Variants in DAAM2 observed in about 807,000 individuals in gnomAD.
The protein encoded by DAAM2 is disheveled-associated activator of morphogenesis 2.
In DAAM2, 39 loss-of-function variants were observed where a neutral mutation model predicts 120.7. The ratio of observed to expected loss-of-function variants is 0.32; its 90% confidence interval spans 0.25 to 0.42. The LOEUF is 0.42. Among genes scored for constraint, DAAM2 ranks in the 10% least tolerant of loss-of-function variants. The pLI is 1.00. For missense variants in DAAM2, 1,283 were observed against 1,401.7 expected (o/e 0.92, Z 1.35); for synonymous variants, 488 against 524.9 (o/e 0.93, Z 0.96).
At chr6:39,897,413 A>G in intron 21 of DAAM2, 131 bp downstream of exon 21, 2 of 627,238 alleles carry the variant, frequency 3.2e-6, no homozygotes, top group South Asian at 1.9e-5. Context: ...TCTGAGTTCA[A>G]AAGAATTTAA....
At chr6:39,879,602 A>T in intron 14 of DAAM2, 125 bp downstream of exon 14, 1 of 1,287,088 alleles carries the variant, frequency 7.8e-7, no homozygotes, top group Non-Finnish European at 1.1e-6. Context: ...GGGTAAGGGC[A>T]GTCATGTGGA....
chr6:39,875,883 C>T (rs1420317864), intron 11 of DAAM2, among the ~76,000 whole-genome samples: 1 of 152,200 alleles, frequency 6.6e-6, no homozygotes, highest in Non-Finnish European at 1.5e-5. Flanking sequence ...CAAGGGTCAG[C>T]AAACTATGGG....
intron 1 of DAAM2, among the ~76,000 whole-genome samples, chr6:39,831,231 G>A (rs773921362): frequency 6.6e-6 from 1 of 152,250 alleles, no homozygotes; most frequent in Admixed American, 6.5e-5. Context: ...TGAATACATG[G>A]GATGTATAGT....
chr6:39,890,967 G>A (rs1765673427), intron 17 of DAAM2, among the ~76,000 whole-genome samples: 1 of 151,800 alleles, frequency 6.6e-6, no homozygotes, highest in East Asian at 1.9e-4. Context: ...TGTGCTACAT[G>A]CCTATATTCC....
rs562489675 is a variant in DAAM2, at chr6:39,854,570, G to A, written c.-56-1677G>A. Among the ~76,000 whole-genome samples the A allele has an allele frequency of 5.9e-5, 9 of 152,308 alleles. No homozygotes were observed. The South Asian group carries it at 1.5e-3, about 25-fold the overall frequency. On this transcript the variant is annotated intron_variant, in intron 1 of 24. Coordinates refer to ENST00000274867, the MANE Select transcript of DAAM2 (RefSeq NM_001201427.2). ...AAATTCTAGAATGACAGTTAAAATA[G>A]AGCATGATGTATGAGAGGCCAGATG...
chr6:39,888,077 C>A (rs1440238855), intron 16 of DAAM2: 3 of 161,242 alleles, frequency 1.9e-5, no homozygotes, highest in Non-Finnish European at 4.1e-5. Context: ...CCTCAGTTTC[C>A]CCCACTTGAT....
intron 19 of DAAM2, among the ~76,000 whole-genome samples, chr6:39,893,559 A>G (rs556278655): frequency 5.5e-4 from 84 of 152,186 alleles, no homozygotes; most frequent in African/African-American, 2.0e-3. Context: ...GATATTCAGG[A>G]AAGAGTCTCC....
rs11970045 is a variant in DAAM2, at chr6:39,902,426, G to A, written c.*389G>A. 1,409 of 166,444 alleles carry A rather than the reference G, an allele frequency of 8.5e-3. 12 individuals carry two copies. Among genetic ancestry groups the A allele is most frequent in the Middle Eastern group, 0.02 (7 of 356 alleles). The allele number at this position is 166,444 out of a possible 1,614,324, so 10.3% of individuals were successfully genotyped here. A position where few individuals can be genotyped will look rare whatever the true frequency, so the allele number is the denominator to read the frequency against. On this transcript the variant is annotated 3_prime_UTR_variant, in exon 25 of 25. Coordinates refer to ENST00000274867, the MANE Select transcript of DAAM2 (RefSeq NM_001201427.2). The stretch of plus-strand genomic sequence containing the variant: ...CTTGTCCAGAGTTCCTGTGTAGCAC[G>A]GGGAGCAATGATGGAGGGAGCCCCT...
rs778891653 is a variant in DAAM2, at chr6:39,879,279, T to A, written c.1647T>A (p.Phe549Leu). 59 of 1,506,812 alleles carry A rather than the reference T, an allele frequency of 3.9e-5. No individual in the cohort carries two copies. The South Asian group carries it at 7.1e-4, about 18-fold the overall frequency. The allele number at this position is 1,506,812 out of a possible 1,614,324, so 93.3% of individuals were successfully genotyped here. ...CTCCACCCCCTCCTCCTCTGCCCTTTGCCTGTTGTCCCCCTCCCCCACCAC... is the reference window on the plus strand; with the variant it reads ...CTCCACCCCCTCCTCCTCTGCCCTTAGCCTGTTGTCCCCCTCCCCCACCAC... ...DLPPPPPPLP[F>L]ACCPPPPPPP... is the part of the protein sequence containing the mutation. Residue 549 changes from phenylalanine (F) to leucine (L), a missense_variant, in exon 14 of 25, where the codon TTT (phenylalanine) becomes TTA (leucine). Phe to Leu is a conservative substitution (Grantham distance 22, BLOSUM62 0). Coordinates refer to ENST00000274867, the MANE Select transcript of DAAM2 (RefSeq NM_001201427.2).
Position 39,837,679 on chromosome 6 carries a change from A to G in DAAM2, c.-56-18568A>G, listed in dbSNP as rs561347822. On this transcript the variant is annotated intron_variant, in intron 1 of 24. Transcript: ENST00000274867. The stretch of plus-strand genomic sequence containing the variant: ...ACTCCATCTCAAAAAAAAAAAAAAA[A>G]AAAAAAAGAAAAGAAAAAAAGAAAT... Among the ~76,000 whole-genome samples, 133 of 151,296 alleles carry G rather than the reference A, an allele frequency of 8.8e-4. 4 individuals are homozygous for G. The South Asian group carries it at 0.024, about 28-fold the overall frequency.
At chr6:39,886,680 A>G in intron 15 of DAAM2, 1 of 385,028 alleles carries the variant, frequency 2.6e-6, no homozygotes, top group Non-Finnish European at 4.6e-6. Flanking sequence ...GAATGAGGAG[A>G]AGGCTTCTAG....
At chr6:39,892,109 T>C (rs3004060) in intron 19 of DAAM2, among the ~76,000 whole-genome samples, 74,789 of 151,994 alleles carry the variant, frequency 0.49, 18,561 homozygotes, top group East Asian at 0.6. Flanking sequence ...AGAAGACTTC[T>C]GGGCACGTTA....
At chr6:39,811,452 C>G (rs968958082) in intron 1 of DAAM2, among the ~76,000 whole-genome samples, 1 of 152,118 alleles carries the variant, frequency 6.6e-6, no homozygotes, top group African/African-American at 2.4e-5. Flanking sequence ...TGCCTGTTCT[C>G]CTTCAGGCAG....
chr6:39,901,610 G>T lies in DAAM2; in HGVS notation c.2982+138G>T, dbSNP rs1408713540. 9.1e-6 allele frequency: 10 copies of T among 1,100,990 alleles called. No homozygotes were observed. The highest frequency in any genetic ancestry group is 1.3e-5 in the Non-Finnish European group (10 of 791,356). 68.2% of individuals were successfully genotyped at this position (1,100,990 alleles called of 1,614,324 possible). A position where few individuals can be genotyped will look rare whatever the true frequency, so the allele number is the denominator to read the frequency against. ...CATAGGGGTTGGATGTCAGCCCCAG[G>T]AGAGAGAAACTTCTTCCCAGCCTGA... On this transcript the variant is annotated intron_variant, in intron 24 of 24. Coordinates refer to ENST00000274867, the MANE Select transcript of DAAM2 (RefSeq NM_001201427.2). This position sits in a 1 kb window ranked among gnomAD's most constrained non-coding sequence, Gnocchi z 4.5.
At chr6:39,833,764 C>A (rs756159263) in intron 1 of DAAM2, among the ~76,000 whole-genome samples, 8 of 151,558 alleles carry the variant, frequency 5.3e-5, no homozygotes, top group South Asian at 4.2e-4. Flanking sequence ...TAGAAGTGTA[C>A]AAGAAAAGAA....
rs1243051749 is a variant in DAAM2 at position 39,902,211 on chromosome 6, G to C, written c.*174G>C. Reference sequence around the variant, plus strand: ...AGGTGTCTCCCCACGCTTACCTTAAGGGGCTCCTCTTATCTCCCCTTCACA... The same window carrying C: ...AGGTGTCTCCCCACGCTTACCTTAACGGGCTCCTCTTATCTCCCCTTCACA... On this transcript the variant is annotated 3_prime_UTR_variant, in exon 25 of 25. Coordinates refer to ENST00000274867, the MANE Select transcript of DAAM2 (RefSeq NM_001201427.2). 2.0e-6 allele frequency: 1 copy of C among 490,876 alleles called. No individual in the cohort carries two copies. The highest frequency in any genetic ancestry group is 3.5e-6 in the Non-Finnish European group (1 of 281,710). The allele number at this position is 490,876 out of a possible 1,614,324, so 30.4% of individuals were successfully genotyped here. A position where few individuals can be genotyped will look rare whatever the true frequency, so the allele number is the denominator to read the frequency against.
At position 39,901,539 on chromosome 6, in the gene DAAM2, C is replaced by T. The variant is rs1261435375; in HGVS notation, c.2982+67C>T. Reference sequence around the variant, plus strand: ...GCTACTTGGGGAGAACACCCCCAAACTGGGGTGTGTGGGAGGAGGGCAGAG... The same window carrying T: ...GCTACTTGGGGAGAACACCCCCAAATTGGGGTGTGTGGGAGGAGGGCAGAG... On this transcript the variant is annotated intron_variant, in intron 24 of 24. Coordinates refer to ENST00000274867, the MANE Select transcript of DAAM2 (RefSeq NM_001201427.2). The surrounding 1 kb of genome is among the most constrained non-coding windows in gnomAD (Gnocchi z 4.5). 20 of 1,509,582 alleles carry T rather than the reference C, an allele frequency of 1.3e-5. No individual in the cohort carries two copies. The highest frequency in any genetic ancestry group is 1.7e-5 in the Non-Finnish European group (19 of 1,118,342). 93.5% of individuals were successfully genotyped at this position (1,509,582 alleles called of 1,614,324 possible). A position where few individuals can be genotyped will look rare whatever the true frequency, so the allele number is the denominator to read the frequency against.
chr6:39,815,620 C>T (rs561170152), intron 1 of DAAM2, among the ~76,000 whole-genome samples: 1 of 149,898 alleles, frequency 6.7e-6, no homozygotes, highest in Admixed American at 6.7e-5. Flanking sequence ...TGTGTTGACC[C>T]AGATGTGGAA....
At chr6:39,824,087 TA>T (rs1762583295) in intron 1 of DAAM2, among the ~76,000 whole-genome samples, 1 of 152,204 alleles carries the variant, frequency 6.6e-6, no homozygotes, top group African/African-American at 2.4e-5. Flanking sequence ...AAGGTCTTGA[TA>T]GTAAATATTT....
Sources: gnomAD v4.1 joint callset for allele counts (sites outside exome capture counted in the v4.1 genomes callset) on GRCh38, gnomAD v4.1.1 for gene constraint, Gnocchi (gnomAD v3.1) non-coding constraint, MANE v1.5 for transcripts, NCBI Gene and HGNC (gene_info 2026-07-23, HGNC 2026-07-21) for gene names.